Variants in RASGRF2 observed in about 807,000 individuals in gnomAD.
RASGRF2 encodes the protein Ras protein specific guanine nucleotide releasing factor 2.
In RASGRF2, 76 loss-of-function variants were observed where a neutral mutation model predicts 151.0. The observed-to-expected ratio is 0.50, with a 90% CI of 0.42 to 0.61. The LOEUF (loss-of-function observed/expected upper bound fraction) is 0.61, where lower values mean the gene tolerates loss of function less well. Ranked by LOEUF, RASGRF2 falls within the 20% of genes least tolerant of loss-of-function variation. The pLI is 0.00. For missense variants in RASGRF2, 1,148 were observed against 1,564.6 expected (o/e 0.73, Z 4.49); for synonymous variants, 504 against 566.5 (o/e 0.89, Z 1.57).
At chr5:81,051,110 G>A (rs1001683589) in intron 2 of RASGRF2, among the ~76,000 whole-genome samples, 5 of 151,658 alleles carry the variant, frequency 3.3e-5, no homozygotes, top group African/African-American at 1.2e-4. Context: ...CCATTTTTTG[G>A]TATTGGTGTT....
intron 8 of RASGRF2, 29 bp downstream of exon 8, chr5:81,085,940 G>T: frequency 6.2e-7 from 1 of 1,613,664 alleles, no homozygotes; most frequent in South Asian, 1.1e-5. Flanking sequence ...ACAAAGGCTT[G>T]GGAGAGGAAA....
intron 18 of RASGRF2, among the ~76,000 whole-genome samples, chr5:81,196,231 G>A (rs1394505099): frequency 1.3e-5 from 2 of 152,138 alleles, no homozygotes; most frequent in African/African-American, 2.4e-5. Flanking sequence ...ACTCCAGCCT[G>A]GGCAATAGAG....
intron 22 of RASGRF2, 32 bp from the exon 23 acceptor site, chr5:81,212,334 G>A (rs1487596456): frequency 6.5e-7 from 1 of 1,545,938 alleles, no homozygotes; most frequent in African/African-American, 1.4e-5. Flanking sequence ...GGGGCTCTTA[G>A]ACTGCCTTTC....
rs1752921223 is a variant in RASGRF2, at chr5:81,108,929, A to G, written c.1756-67A>G. 5 of 1,541,248 alleles carry G rather than the reference A, an allele frequency of 3.2e-6. No homozygotes were observed. The South Asian group carries it at 6.2e-5, about 19-fold the overall frequency. ...GAATGGATTCTTTTAGCTATAAACA[A>G]TTGTGGGAATATATGATCTGCCTAG... On this transcript the variant is annotated intron_variant, in intron 12 of 26. Coordinates refer to ENST00000265080, the MANE Select transcript of RASGRF2 (RefSeq NM_006909.3).
At chr5:80,969,543 G>T (rs1747844604) in intron 1 of RASGRF2, among the ~76,000 whole-genome samples, 2 of 151,318 alleles carry the variant, frequency 1.3e-5, no homozygotes, top group Admixed American at 6.6e-5. Context: ...CCGCCTCCAG[G>T]GTTCACACCA....
At chr5:81,169,832 G>GTACCACCTGTATCACC (rs1221730217) in intron 17 of RASGRF2, among the ~76,000 whole-genome samples, 68 of 79,478 alleles carry the variant, frequency 8.6e-4, no homozygotes, top group Middle Eastern at 7.2e-3. Context: ...TGCATCACCT[G>GTACCACCTGTATCACC]CATCACTTGC....
chr5:81,068,087 G>T lies in RASGRF2; in HGVS notation c.451G>T (p.Val151Phe). The T allele has an allele frequency of 6.2e-7, 1 of 1,613,678 alleles. No individual in the cohort carries two copies. Among genetic ancestry groups the T allele is most frequent in the South Asian group, 1.1e-5 (1 of 90,962 alleles). ...EVLMQKYIHL[V>F]QIVETEKIAA... is the part of the protein sequence containing the mutation. ...ATTAATGCAGAAGTACATTCATCTA[G>T]TTCAGATCGTAGAGACAGAAAAAAT... The change falls in exon 3 of 27, where the codon GTT becomes TTT. Residue 151 changes from valine (V) to phenylalanine (F), a missense_variant. Transcript: ENST00000265080.
chr5:81,006,410 A>G (rs745919677), intron 1 of RASGRF2, among the ~76,000 whole-genome samples: 1 of 152,234 alleles, frequency 6.6e-6, no homozygotes, highest in Non-Finnish European at 1.5e-5. Context: ...TGGTAAAGCC[A>G]TGATAGTTTT....
intron 1 of RASGRF2, among the ~76,000 whole-genome samples, chr5:81,025,689 C>T (rs1009048414): frequency 7.9e-5 from 12 of 152,166 alleles, no homozygotes; most frequent in Admixed American, 5.2e-4. Flanking sequence ...GAAACTGAAA[C>T]ACAAAGTCCC....
intron 23 of RASGRF2, among the ~76,000 whole-genome samples, chr5:81,215,471 A>C (rs1755716514): frequency 3.3e-5 from 5 of 151,776 alleles, no homozygotes; most frequent in African/African-American, 1.2e-4. Context: ...GGGTTTCACC[A>C]TGTTAGCCAG....
intron 12 of RASGRF2, 88 bp from the exon 13 acceptor site, chr5:81,108,908 G>A (rs1410078414): frequency 3.7e-6 from 5 of 1,361,332 alleles, no homozygotes; most frequent in Non-Finnish European, 4.9e-6. Context: ...GAAATTGAAT[G>A]GATTCTTTTA....
intron 1 of RASGRF2, among the ~76,000 whole-genome samples, chr5:81,030,370 G>A (rs1358647646): frequency 6.6e-6 from 1 of 152,178 alleles, no homozygotes; most frequent in East Asian, 1.9e-4. Context: ...AAGTTGAAAT[G>A]AAGGAAAAAA....
At chr5:81,007,583 C>T (rs574244776) in intron 1 of RASGRF2, among the ~76,000 whole-genome samples, 98 of 152,234 alleles carry the variant, frequency 6.4e-4, no homozygotes, top group African/African-American at 2.3e-3. Flanking sequence ...CCCTCGCTTT[C>T]TTTTTTCCAT....
At chr5:81,085,059 T>A (rs1752191334) in intron 7 of RASGRF2, among the ~76,000 whole-genome samples, 1 of 152,188 alleles carries the variant, frequency 6.6e-6, no homozygotes. Flanking sequence ...CTGGACACAT[T>A]GGCAAAGCCT....
chr5:81,118,230 T>A (rs1431272756), intron 15 of RASGRF2, among the ~76,000 whole-genome samples: 1 of 152,240 alleles, frequency 6.6e-6, no homozygotes, highest in Non-Finnish European at 1.5e-5. Flanking sequence ...CTCTGCAGCA[T>A]CCTTTGAAAT....
intron 15 of RASGRF2, among the ~76,000 whole-genome samples, chr5:81,115,397 G>T (rs1210044491): frequency 6.6e-6 from 1 of 152,154 alleles, no homozygotes; most frequent in Non-Finnish European, 1.5e-5. Context: ...GAATAATGAG[G>T]CAGCGCACAA....
intron 17 of RASGRF2, among the ~76,000 whole-genome samples, chr5:81,155,944 C>G (rs1297900036): frequency 6.6e-6 from 1 of 152,160 alleles, no homozygotes; most frequent in African/African-American, 2.4e-5. Context: ...ACAACTTTAT[C>G]TTGCCTGGGA....
chr5:81,023,247 G>A (rs1203733434), intron 1 of RASGRF2, among the ~76,000 whole-genome samples: 1 of 152,098 alleles, frequency 6.6e-6, no homozygotes, highest in African/African-American at 2.4e-5. Flanking sequence ...AAAAGAAGAG[G>A]AACTTATTGT....
In RASGRF2 at chr5:81,228,766, A is replaced by G. The variant is rs1443550318; in HGVS notation, c.*2996A>G. ...AATATATTATTTGACAGATTCAGGC[A>G]TGAAGTAAAACGTCGTCACTTTTCC... On this transcript the variant is annotated 3_prime_UTR_variant, in exon 27 of 27. Transcript: ENST00000265080. 6.6e-6 allele frequency: 1 copy of G among 152,254 alleles called. No homozygotes were observed. The highest frequency in any genetic ancestry group is 1.5e-5 in the Non-Finnish European group (1 of 68,038). The allele number at this position is 152,254 out of a possible 1,614,324, so 9.4% of individuals were successfully genotyped here. A position where few individuals can be genotyped will look rare whatever the true frequency, so the allele number is the denominator to read the frequency against.
Sources: allele counts gnomAD v4.1 joint callset (sites outside exome capture counted in the v4.1 genomes callset), GRCh38; gene constraint gnomAD v4.1.1; transcripts MANE v1.5; gene names NCBI Gene and HGNC (gene_info 2026-07-23, HGNC 2026-07-21).